Variants in WDR64 observed in about 807,000 individuals in gnomAD.
WDR64 encodes the protein WD repeat domain 64, also known as WD repeat-containing protein 64.
A neutral mutation model predicts 139.3 loss-of-function variants in WDR64; 112 were observed. That is an observed-to-expected ratio of 0.80 (90% confidence interval 0.69 to 0.94). The LOEUF (loss-of-function observed/expected upper bound fraction) is 0.94, where lower values mean the gene tolerates loss of function less well. WDR64 is among the 40% of genes least tolerant of loss of function. The probability of loss-of-function intolerance (pLI) is 0.00; values close to 1 mark genes in which losing one functional copy is unlikely to be tolerated. For synonymous variants in WDR64, 444 were observed against 437.7 expected (o/e 1.01, Z -0.18); for missense variants, 1,206 against 1,293.1 (o/e 0.93, Z 1.03).
chr1:241,772,451 C>CTTTT lies in WDR64; in HGVS notation c.2291-315_2291-312dup, dbSNP rs534177884. On this transcript the variant is annotated intron_variant, in intron 19 of 27. Coordinates refer to ENST00000437684, the MANE Select transcript of WDR64 (RefSeq NM_001367482.1). ...AGTATTGCAAATTCCAAGATAGATC[C>CTTTT]TTTTTTTTTTTTTTTTTTTTTTTTT... 9.1e-3 allele frequency among the ~76,000 whole-genome samples: 535 copies of CTTTT among 59,040 alleles called. 93 individuals carry two copies. The highest frequency in any genetic ancestry group is 0.027 in the East Asian group (44 of 1,602). 38.7% of individuals were successfully genotyped at this position (59,040 alleles called of 152,430 possible).
chr1:241,658,078 T>A lies in WDR64; in HGVS notation c.146-2452T>A, dbSNP rs114208323. The stretch of plus-strand genomic sequence containing the variant: ...AATATAAGCTCCCTGAGGGCAGGGA[T>A]CTTGCTTATCTAATTTTCTATTCTA... On this transcript the variant is annotated intron_variant, in intron 1 of 27. Coordinates refer to ENST00000437684, the MANE Select transcript of WDR64 (RefSeq NM_001367482.1). 9.3e-3 allele frequency among the ~76,000 whole-genome samples: 1,423 copies of A among 152,348 alleles called. 17 individuals are homozygous for A. The highest frequency in any genetic ancestry group is 0.017 in the Middle Eastern group (5 of 294).
chr1:241,652,560 G>GA lies in WDR64; in HGVS notation c.81dup (p.Leu28IlefsTer3), dbSNP rs1289929425. On this transcript the variant is annotated frameshift_variant, in exon 1 of 28. Coordinates refer to ENST00000437684, the MANE Select transcript of WDR64 (RefSeq NM_001367482.1). LOFTEE classifies it high-confidence loss of function. Reference sequence around the variant, plus strand: ...TTTCAAAAAGGCTTTGAACAGGTTTGAAAAATTGGTTGAACAAACAGCAGC... The same window carrying GA: ...TTTCAAAAAGGCTTTGAACAGGTTTGAAAAAATTGGTTGAACAAACAGCAGC... 6.4e-7 allele frequency: 1 copy of GA among 1,551,952 alleles called. No individual in the cohort carries two copies. Among genetic ancestry groups the GA allele is most frequent in the East Asian group, 2.4e-5 (1 of 40,926 alleles).
At chr1:241,683,428 GA>G (rs891285207) in intron 6 of WDR64, 58 bp from the exon 7 acceptor site, 4 of 1,484,242 alleles carry the variant, frequency 2.7e-6, no homozygotes, top group African/African-American at 2.8e-5. Flanking sequence ...AATAATAGGG[GA>G]AATATTTATT....
intron 2 of WDR64, among the ~76,000 whole-genome samples, chr1:241,667,630 A>G (rs1266599517): frequency 6.6e-6 from 1 of 152,186 alleles, no homozygotes; most frequent in Non-Finnish European, 1.5e-5. Context: ...AGGAGGGCCC[A>G]TGTACTAGGA....
intron 20 of WDR64, among the ~76,000 whole-genome samples, chr1:241,774,649 T>C (rs61827090): frequency 0.076 from 11,526 of 152,254 alleles, 444 homozygotes; most frequent in South Asian, 0.14. Context: ...AAGAGGCAAA[T>C]ATTTCTGTTT....
Position 241,772,915 on chromosome 1 carries a change from G to A in WDR64, c.2414G>A (p.Arg805His), listed in dbSNP as rs529696787. The A allele has an allele frequency of 3.9e-6, 6 of 1,550,962 alleles. No homozygotes were observed. Among genetic ancestry groups the A allele is most frequent in the African/African-American group, 1.4e-5 (1 of 73,114 alleles). ...ACTGCTCATGAGGATGGACACCTCC[G>A]CTTGTGGACTCTGGAGGTAATGGAA... is the stretch of plus-strand genomic sequence containing the variant. ...LVTAHEDGHLRLWTLEGRLLK... is the reference protein window; with the variant it reads ...LVTAHEDGHLHLWTLEGRLLK... Residue 805 changes from arginine to histidine, a missense_variant, in exon 20 of 28, where the codon CGC (arginine) becomes CAC (histidine). Physicochemically the swap from Arg to His is conservative, Grantham distance 29. Coordinates refer to ENST00000437684, the MANE Select transcript of WDR64 (RefSeq NM_001367482.1).
At chr1:241,684,048 C>T (rs1367663016) in intron 7 of WDR64, among the ~76,000 whole-genome samples, 3 of 151,928 alleles carry the variant, frequency 2.0e-5, no homozygotes, top group African/African-American at 7.3e-5. Flanking sequence ...ATACATGTGA[C>T]TAGTTACTAG....
chr1:241,713,503 A>G (rs946060148), intron 9 of WDR64, among the ~76,000 whole-genome samples: 2 of 130,302 alleles, frequency 1.5e-5, no homozygotes, highest in Non-Finnish European at 3.3e-5. Context: ...GAACGGAAAG[A>G]AAAAAGAAAG....
At chr1:241,660,107 G>A (rs1031886467) in intron 1 of WDR64, among the ~76,000 whole-genome samples, 3 of 152,190 alleles carry the variant, frequency 2.0e-5, no homozygotes, top group Admixed American at 1.3e-4. Flanking sequence ...AAGGGGTCCA[G>A]TTTCAATTTC....
intron 24 of WDR64, among the ~76,000 whole-genome samples, chr1:241,788,885 G>A (rs1389746216): frequency 6.6e-6 from 1 of 152,126 alleles, no homozygotes; most frequent in Non-Finnish European, 1.5e-5. Context: ...ATGCAGTAAA[G>A]TTTACCAAGC....
chr1:241,754,649 C>T (rs1193000159), intron 14 of WDR64, among the ~76,000 whole-genome samples: 1 of 152,032 alleles, frequency 6.6e-6, no homozygotes, highest in African/African-American at 2.4e-5. Flanking sequence ...TATACACGTG[C>T]CATGGTGGTT....
intron 13 of WDR64, among the ~76,000 whole-genome samples, chr1:241,746,804 C>T (rs1352767289): frequency 6.7e-6 from 1 of 149,196 alleles, no homozygotes; most frequent in East Asian, 2.0e-4. Context: ...GTCACCCAGG[C>T]TGGAGTGCAG....
chr1:241,673,975 A>G (rs1666354252), intron 3 of WDR64, among the ~76,000 whole-genome samples: 1 of 152,162 alleles, frequency 6.6e-6, no homozygotes, highest in Non-Finnish European at 1.5e-5. Flanking sequence ...AAGATGTGAA[A>G]TATCTCAAAA....
At chr1:241,754,136 C>T (rs889852175) in intron 14 of WDR64, among the ~76,000 whole-genome samples, 2 of 151,898 alleles carry the variant, frequency 1.3e-5, no homozygotes, top group African/African-American at 4.8e-5. Flanking sequence ...AAAAAATGTT[C>T]AACTCACAAC....
chr1:241,797,263 A>G (rs1234169639), intron 27 of WDR64, among the ~76,000 whole-genome samples: 1 of 152,222 alleles, frequency 6.6e-6, no homozygotes, highest in Non-Finnish European at 1.5e-5. Flanking sequence ...AAATGAAGTG[A>G]TAAGCTGATA....
At position 241,683,651 on chromosome 1, in the gene WDR64, A is replaced by G. The variant is rs970528515; in HGVS notation, c.789A>G (p.Lys263=). The change falls in exon 7 of 28, where the codon AAA becomes AAG. Residue 263 remains lysine (K), a synonymous_variant. Transcript: ENST00000437684. ...ATGACTTTGGAATAAAGCAGGCAAAATCCAAAAGAAAATTACAAAATCAGG... is the reference window on the plus strand; with the variant it reads ...ATGACTTTGGAATAAAGCAGGCAAAGTCCAAAAGAAAATTACAAAATCAGG... ...NSDDFGIKQA[K]SKRKLQNQVL... is the part of the protein sequence containing the mutation. 1.5e-5 allele frequency: 24 copies of G among 1,551,540 alleles called. No individual in the cohort carries two copies. Among genetic ancestry groups the G allele is most frequent in the Non-Finnish European group, 1.9e-5 (22 of 1,146,896 alleles).
In WDR64 at chr1:241,723,396, A is replaced by G. The variant is rs1446047811; in HGVS notation, c.1154A>G (p.Asn385Ser). ...HMFSIAEIVT[N>S]EKDQHVVSLS... ...TTCAGTATCGCCGAGATCGTAACCA[A>G]TGAAAAAGATCAACATGTCGTCAGC... is the stretch of plus-strand genomic sequence containing the variant. Residue 385 changes from asparagine (N) to serine (S), a missense_variant, in exon 10 of 28, where the codon AAT becomes AGT. Transcript: ENST00000437684. 12 of 1,613,876 alleles carry G rather than the reference A, an allele frequency of 7.4e-6. No homozygotes were observed. The highest frequency in any genetic ancestry group is 5.5e-5 in the South Asian group (5 of 91,060).
intron 1 of WDR64, among the ~76,000 whole-genome samples, chr1:241,653,525 A>ATTCTT (rs200638081): frequency 4.2e-5 from 6 of 143,620 alleles, no homozygotes; most frequent in Admixed American, 1.5e-4. Context: ...AGTTACCCAA[A>ATTCTT]TTCTTTTCTT....
intron 8 of WDR64, among the ~76,000 whole-genome samples, chr1:241,711,353 A>AGATTTCAG (rs963137569): frequency 1.3e-5 from 2 of 152,200 alleles, no homozygotes; most frequent in African/African-American, 4.8e-5. Flanking sequence ...AGAAGTGGTC[A>AGATTTCAG]GATTTCAGGT....
Sources: gnomAD v4.1 joint callset for allele counts (sites outside exome capture counted in the v4.1 genomes callset) on GRCh38, gnomAD v4.1.1 for gene constraint, MANE v1.5 for transcripts, NCBI Gene and HGNC (gene_info 2026-07-23, HGNC 2026-07-21) for gene names.